Variants in USP24 observed in about 807,000 individuals in gnomAD.
USP24 encodes ubiquitin specific peptidase 24, also known as ubiquitin carboxyl-terminal hydrolase 24.
USP24 carries 97 observed loss-of-function variants against 361.6 expected under a neutral mutation model. That is an observed-to-expected ratio of 0.27 (90% CI 0.23 to 0.32). The LOEUF (loss-of-function observed/expected upper bound fraction) is 0.32, where lower values mean the gene tolerates loss of function less well. Ranked by LOEUF, USP24 falls within the 10% of genes least tolerant of loss-of-function variation. The pLI is 1.00. For synonymous variants in USP24, 1,098 were observed against 1,124.6 expected, an observed-to-expected ratio of 0.98 and a Z score of 0.47; for missense variants, 2,353 against 3,165.6, an observed-to-expected ratio of 0.74 and a Z score of 6.16.
At chr1:55,167,693 G>A (rs1036236106) in intron 5 of USP24, among the ~76,000 whole-genome samples, 4 of 152,130 alleles carry the variant, frequency 2.6e-5, no homozygotes, top group African/African-American at 7.2e-5. Flanking sequence ...AGAAGGCGCC[G>A]AGAGAGGTCA....
At chr1:55,154,538 A>G (rs1647420662) in intron 13 of USP24, 72 bp from the exon 14 acceptor site, 4 of 1,505,798 alleles carry the variant, frequency 2.7e-6, no homozygotes, top group South Asian at 1.2e-5. Context: ...TTTAAACTTG[A>G]GCTAAAAACA....
At chr1:55,212,577 A>C (rs966702204) in intron 1 of USP24, among the ~76,000 whole-genome samples, 1 of 152,212 alleles carries the variant, frequency 6.6e-6, no homozygotes, top group African/African-American at 2.4e-5. Flanking sequence ...CAAGAGCCTC[A>C]GTTTCCCACT....
chr1:55,150,953 G>A (rs948623065), intron 16 of USP24, among the ~76,000 whole-genome samples: 1 of 152,138 alleles, frequency 6.6e-6, no homozygotes, highest in South Asian at 2.1e-4. Flanking sequence ...AGGTCAGTTG[G>A]TTTAGCCTGC....
rs1172814392 is a variant in USP24 at position 55,092,677 on chromosome 1, T to C, written c.6450+144A>G. 5 of 609,714 alleles carry C rather than the reference T, an allele frequency of 8.2e-6. No homozygotes were observed. The African/African-American group carries it at 9.9e-5, about 12-fold the overall frequency. The allele number at this position is 609,714 out of a possible 1,614,324, so 37.8% of individuals were successfully genotyped here. A position where few individuals can be genotyped will look rare whatever the true frequency, so the allele number is the denominator to read the frequency against. ...CTGCTTGCATTTTAATATTACCCAA[T>C]ACGGGCTACATTCACGGGAAAACCT... On this transcript the variant is annotated intron_variant, in intron 53 of 67. Coordinates refer to ENST00000294383, the MANE Select transcript of USP24 (RefSeq NM_015306.3).
Position 55,072,775 on chromosome 1 carries a change from T to C in USP24, c.7602+11A>G, listed in dbSNP as rs370718895. The C allele has an allele frequency of 1.8e-5, 29 of 1,584,108 alleles. No homozygotes were observed. Among genetic ancestry groups the C allele is most frequent in the South Asian group, 2.3e-5 (2 of 85,244 alleles). On this transcript the variant is annotated intron_variant, in intron 65 of 67. Transcript: ENST00000294383. ...CTATGTTACAGCTAGAAAAATTCAATGTTCAGTTACCTTCTTCTGTAGCCA... is the reference window on the plus strand; with the variant it reads ...CTATGTTACAGCTAGAAAAATTCAACGTTCAGTTACCTTCTTCTGTAGCCA...
chr1:55,176,319 TTCACCCTGCCC>T, intron 3 of USP24, 46 bp downstream of exon 3: 1 of 1,449,668 alleles, frequency 6.9e-7, no homozygotes, highest in Non-Finnish European at 9.3e-7. Context: ...CTTCTCTTCC[TTCACCCTGCCC>T]CCACCCCGAC....
At chr1:55,148,625 T>C in intron 16 of USP24, 55 bp from the exon 17 acceptor site, 1 of 1,302,280 alleles carries the variant, frequency 7.7e-7, no homozygotes, top group East Asian at 2.5e-5. Context: ...AGCAGATTCA[T>C]TTATTAGCTA....
intron 8 of USP24, among the ~76,000 whole-genome samples, chr1:55,160,043 C>T (rs971628624): frequency 3.3e-5 from 5 of 152,060 alleles, no homozygotes; most frequent in Admixed American, 3.3e-4. Flanking sequence ...TAAACACAGA[C>T]CATGGAAATT....
intron 38 of USP24, among the ~76,000 whole-genome samples, chr1:55,118,834 CT>C (rs1646195778): frequency 6.6e-6 from 1 of 152,158 alleles, no homozygotes; most frequent in Non-Finnish European, 1.5e-5. Context: ...GAAATGCAAA[CT>C]GAAACCACAG....
At chr1:55,107,862 A>AC (rs1553150261) in intron 39 of USP24, among the ~76,000 whole-genome samples, 1 of 149,340 alleles carries the variant, frequency 6.7e-6, no homozygotes, top group Admixed American at 6.6e-5. Context: ...AAAAAAAAAA[A>AC]AAAACACACA....
intron 67 of USP24, 192 bp downstream of exon 67, chr1:55,071,619 TGCA>T: frequency 8.6e-7 from 1 of 1,164,110 alleles, no homozygotes. Context: ...CACTTCACAC[TGCA>T]GCACTACTCA....
At chr1:55,100,262 C>G (rs749616606) in intron 44 of USP24, among the ~76,000 whole-genome samples, 1 of 152,102 alleles carries the variant, frequency 6.6e-6, no homozygotes, top group Non-Finnish European at 1.5e-5. Context: ...TCTGGGAGGC[C>G]GAGGCAGGCG....
rs561475229 is a variant in USP24, at chr1:55,133,721, C to T, written c.3381+349G>A. On this transcript the variant is annotated intron_variant, in intron 30 of 67. Coordinates refer to ENST00000294383, the MANE Select transcript of USP24 (RefSeq NM_015306.3). The stretch of plus-strand genomic sequence containing the variant: ...GTGTAATCTTGGCTCACTGCAGCCT[C>T]GACCTCTTGGGTTCAAGCTATCCTC... Among the ~76,000 whole-genome samples, 23 of 150,896 alleles carry T rather than the reference C, an allele frequency of 1.5e-4. No homozygotes were observed. In the East Asian group the frequency reaches 2.0e-3, roughly 13 times the overall value.
intron 24 of USP24, 39 bp downstream of exon 24, chr1:55,141,577 C>A: frequency 6.6e-7 from 1 of 1,514,846 alleles, no homozygotes; most frequent in Non-Finnish European, 9.1e-7. Context: ...AAAAAACTGA[C>A]ATATGTGTGT....
At chr1:55,207,233 G>C (rs930417893) in intron 1 of USP24, among the ~76,000 whole-genome samples, 3 of 145,208 alleles carry the variant, frequency 2.1e-5, no homozygotes, top group Admixed American at 1.4e-4. Context: ...TTCTCAAAAA[G>C]CAATTAATGT....
intron 1 of USP24, among the ~76,000 whole-genome samples, chr1:55,202,693 C>A (rs1005063247): frequency 2.6e-5 from 4 of 152,208 alleles, no homozygotes; most frequent in Admixed American, 6.5e-5. Flanking sequence ...GCGTGAGCCA[C>A]CACATCCGGC....
rs558510261 is a variant in USP24, at chr1:55,125,565, T to A, written c.3732-17A>T. On this transcript the variant is annotated splice_polypyrimidine_tract_variant and intron_variant, in intron 33 of 67. Transcript: ENST00000294383. ...AGTAAAAATCTTAAAAAGAAACAGC[T>A]AGACTTATTCTGAGTCCATTCATAC... 1.1e-5 allele frequency: 17 copies of A among 1,604,598 alleles called. No homozygotes were observed. In the African/African-American group the frequency reaches 1.9e-4, roughly 18 times the overall value.
At chr1:55,128,283 A>G (rs1460726954) in intron 32 of USP24, among the ~76,000 whole-genome samples, 3 of 151,996 alleles carry the variant, frequency 2.0e-5, no homozygotes, top group Non-Finnish European at 4.4e-5. Flanking sequence ...CCCTTCCTCC[A>G]GTCTCTCCCA....
chr1:55,090,903 G>A (rs868409842), intron 54 of USP24, among the ~76,000 whole-genome samples: 1 of 152,092 alleles, frequency 6.6e-6, no homozygotes, highest in Non-Finnish European at 1.5e-5. Context: ...TGCTCAACAC[G>A]GCGAAACCCC....
Sources: gnomAD v4.1 joint callset for allele counts (sites outside exome capture counted in the v4.1 genomes callset) on GRCh38, gnomAD v4.1.1 for gene constraint, MANE v1.5 for transcripts, NCBI Gene and HGNC (gene_info 2026-07-23, HGNC 2026-07-21) for gene names.